Variants in OSBPL9 observed in about 807,000 individuals in gnomAD.
OSBPL9 encodes oxysterol binding protein like 9.
A neutral mutation model predicts 106.6 loss-of-function variants in OSBPL9; 40 were observed. The ratio of observed to expected loss-of-function variants is 0.38; its 90% confidence interval spans 0.29 to 0.49. The LOEUF (loss-of-function observed/expected upper bound fraction) is 0.49. OSBPL9 is among the 20% of genes least tolerant of loss of function. OSBPL9 has a pLI of 0.97. For synonymous variants in OSBPL9, 269 were observed against 295.4 expected (o/e 0.91, Z 0.92); for missense variants, 609 against 887.2 (o/e 0.69, Z 3.98).
chr1:51,649,931 G>T (rs1192946409), intron 1 of OSBPL9, among the ~76,000 whole-genome samples: 1 of 151,982 alleles, frequency 6.6e-6, no homozygotes, highest in Non-Finnish European at 1.5e-5. Context: ...CTAGAGTGCA[G>T]GGGTGTGGTC....
intron 8 of OSBPL9, among the ~76,000 whole-genome samples, chr1:51,754,523 A>AT (rs1159531706): frequency 1.5e-4 from 23 of 152,330 alleles, no homozygotes; most frequent in Admixed American, 2.6e-4. Flanking sequence ...ATAGATGCAA[A>AT]TAAATACTGT....
chr1:51,540,415 A>G, the OSBPL9 span, among the ~76,000 whole-genome samples: 1 of 151,746 alleles, frequency 6.6e-6, no homozygotes, highest in South Asian at 2.1e-4. Flanking sequence ...CCAGCACTTT[A>G]GGAGGCCGAG....
At chr1:51,565,322 A>C in the OSBPL9 span, among the ~76,000 whole-genome samples, 1 of 151,924 alleles carries the variant, frequency 6.6e-6, no homozygotes, top group Non-Finnish European at 1.5e-5. Context: ...CAAATACTGA[A>C]CTACTGCTGT....
intron 2 of OSBPL9, among the ~76,000 whole-genome samples, chr1:51,607,022 C>G (rs574185301): frequency 2.0e-5 from 3 of 151,500 alleles, no homozygotes; most frequent in Non-Finnish European, 4.4e-5. Flanking sequence ...TGCACTCCAG[C>G]CTGGGCGACA....
Position 51,738,189 on chromosome 1 carries a change from T to C in OSBPL9, c.319-7347T>C, listed in dbSNP as rs144584479. Among the ~76,000 whole-genome samples the C allele has an allele frequency of 2.3e-3, 357 of 152,076 alleles. 1 individual carries two copies. Among genetic ancestry groups the C allele is most frequent in the African/African-American group, 8.2e-3 (342 of 41,524 alleles). ...AGTTGTATAAGTAACCAAATCACTT[T>C]ATGGAGTTAGTATTTGTGTTTTGTT... On this transcript the variant is annotated intron_variant, in intron 4 of 23. Coordinates refer to ENST00000428468, the MANE Select transcript of OSBPL9 (RefSeq NM_024586.6).
intron 15 of OSBPL9, among the ~76,000 whole-genome samples, chr1:51,779,210 T>C (rs1675752581): frequency 6.6e-6 from 1 of 152,186 alleles, no homozygotes; most frequent in Non-Finnish European, 1.5e-5. Flanking sequence ...CCCAGGCACA[T>C]AGACCAATGG....
chr1:51,702,388 C>CT (rs1657473706), intron 3 of OSBPL9, among the ~76,000 whole-genome samples: 2 of 152,234 alleles, frequency 1.3e-5, no homozygotes, highest in Non-Finnish European at 2.9e-5. Context: ...TTGCATTTCT[C>CT]TGATGGCCAG....
chr1:51,552,481 C>G, the OSBPL9 span, among the ~76,000 whole-genome samples: 1 of 152,198 alleles, frequency 6.6e-6, no homozygotes, highest in Non-Finnish European at 1.5e-5. Flanking sequence ...GATTTGAACT[C>G]AAGCAGTCTA....
In OSBPL9 at chr1:51,774,366, TAA is replaced by T. The variant is rs377231671; in HGVS notation, c.1170+1644_1170+1645del. 9.8e-5 allele frequency among the ~76,000 whole-genome samples: 15 copies of T among 152,326 alleles called. No individual in the cohort carries two copies. In the East Asian group the frequency reaches 2.9e-3, roughly 29 times the overall value. On this transcript the variant is annotated intron_variant, in intron 14 of 23. Coordinates refer to ENST00000428468, the MANE Select transcript of OSBPL9 (RefSeq NM_024586.6). ...TATTTTTTACTGAATGTGTTTAAAA[TAA>T]GTCATTTTTGAAATTTTTATTGGCA... is the stretch of plus-strand genomic sequence containing the variant.
At chr1:51,767,936 CTTTTTTTT>C (rs869092922) in intron 12 of OSBPL9, among the ~76,000 whole-genome samples, 7 of 65,054 alleles carry the variant, frequency 1.1e-4, no homozygotes, top group South Asian at 7.4e-4. Context: ...TAAAGACCGT[CTTTTTTTT>C]TTTTTTTTTT....
chr1:51,662,024 G>A (rs1471369760), intron 2 of OSBPL9, among the ~76,000 whole-genome samples: 2 of 152,130 alleles, frequency 1.3e-5, no homozygotes, highest in East Asian at 1.9e-4. Context: ...TCATTATTGA[G>A]CCAGGACAAC....
the OSBPL9 span, among the ~76,000 whole-genome samples, chr1:51,556,881 A>G: frequency 7.1e-6 from 1 of 140,724 alleles, no homozygotes; most frequent in African/African-American, 2.5e-5. Flanking sequence ...AGAATGAATA[A>G]GATCTAGTAT....
At chr1:51,519,734 G>C in the OSBPL9 span, among the ~76,000 whole-genome samples, 4 of 152,164 alleles carry the variant, frequency 2.6e-5, no homozygotes, top group Non-Finnish European at 5.9e-5. Flanking sequence ...TGAATTGTAT[G>C]AATGAAGGAA....
chr1:51,775,275 A>C (rs1238493482), intron 14 of OSBPL9, among the ~76,000 whole-genome samples: 1 of 151,398 alleles, frequency 6.6e-6, no homozygotes, highest in Non-Finnish European at 1.5e-5. Flanking sequence ...TTTTCATTAT[A>C]TGTCCAGCCA....
At chr1:51,669,990 A>G (rs1037082148) in intron 3 of OSBPL9, among the ~76,000 whole-genome samples, 3 of 152,086 alleles carry the variant, frequency 2.0e-5, no homozygotes, top group Non-Finnish European at 4.4e-5. Flanking sequence ...ACAAGTTTGC[A>G]TTCATTTCAT....
At chr1:51,715,645 C>A (rs1288070659) in intron 4 of OSBPL9, among the ~76,000 whole-genome samples, 1 of 152,120 alleles carries the variant, frequency 6.6e-6, no homozygotes, top group African/African-American at 2.4e-5. Flanking sequence ...ATTTCCCGCC[C>A]CCCCATTGTT....
At chr1:51,626,543 ACT>A (rs1644778665) in intron 1 of OSBPL9, among the ~76,000 whole-genome samples, 1 of 151,780 alleles carries the variant, frequency 6.6e-6, no homozygotes, top group Non-Finnish European at 1.5e-5. Context: ...ACCAGATCTC[ACT>A]CTGTCACCCA....
At chr1:51,548,870 G>A in the OSBPL9 span, among the ~76,000 whole-genome samples, 1 of 152,112 alleles carries the variant, frequency 6.6e-6, no homozygotes, top group Non-Finnish European at 1.5e-5. Flanking sequence ...TGTAACAATT[G>A]GTAGAGCATA....
At chr1:51,600,084 C>T (rs1191088169) in intron 2 of OSBPL9, among the ~76,000 whole-genome samples, 1 of 152,212 alleles carries the variant, frequency 6.6e-6, no homozygotes, top group Non-Finnish European at 1.5e-5. Flanking sequence ...CTCCCAAAGG[C>T]CCCATTTCAT....
Sources: allele counts gnomAD v4.1 joint callset (sites outside exome capture counted in the v4.1 genomes callset), GRCh38; gene constraint gnomAD v4.1.1; transcripts MANE v1.5; gene names NCBI Gene and HGNC (gene_info 2026-07-23, HGNC 2026-07-21).